The following POU2F1 variants were observed in gnomAD, a reference collection of about 807,000 sequenced individuals.
POU2F1 encodes the protein POU domain, class 2, transcription factor 1.
A neutral mutation model predicts 84.9 loss-of-function variants in POU2F1; 16 were observed. The observed-to-expected ratio is 0.19, with a 90% CI of 0.13 to 0.29. POU2F1 has a LOEUF of 0.29. POU2F1 is among the 10% of genes least tolerant of loss of function. POU2F1 has a pLI of 1.00. For missense variants in POU2F1, 738 were observed against 942.6 expected (o/e 0.78, Z 2.84); for synonymous variants, 368 against 368.3 (o/e 1.00, Z 0.01).
intron 1 of POU2F1, among the ~76,000 whole-genome samples, chr1:167,272,300 C>G: frequency 8.2e-6 from 1 of 122,588 alleles, no homozygotes; most frequent in Non-Finnish European, 1.7e-5. Context: ...TAAATATTAC[C>G]TTTTTTTTTT....
chr1:167,366,811 C>A (rs780433343), intron 3 of POU2F1, among the ~76,000 whole-genome samples: 1 of 151,970 alleles, frequency 6.6e-6, no homozygotes. Context: ...ATATTCAAGC[C>A]TCCAGTAATT....
At chr1:167,234,007 G>A (rs1649268103) in intron 1 of POU2F1, among the ~76,000 whole-genome samples, 2 of 152,208 alleles carry the variant, frequency 1.3e-5, no homozygotes, top group Admixed American at 6.5e-5. Context: ...TTAGGAAACC[G>A]AGGCTTAAAG....
At chr1:167,388,245 T>G (rs956107275) in intron 8 of POU2F1, among the ~76,000 whole-genome samples, 9 of 152,154 alleles carry the variant, frequency 5.9e-5, no homozygotes, top group African/African-American at 2.2e-4. Context: ...TGACATTGAG[T>G]AGTAAGAGAA....
At chr1:167,234,148 G>A (rs1357627852) in intron 1 of POU2F1, among the ~76,000 whole-genome samples, 7 of 152,180 alleles carry the variant, frequency 4.6e-5, no homozygotes, top group Non-Finnish European at 1.0e-4. Context: ...ATGGAATTGG[G>A]GGATTGCAGA....
intron 2 of POU2F1, among the ~76,000 whole-genome samples, chr1:167,360,201 A>G (rs1019618294): frequency 3.3e-5 from 5 of 152,032 alleles, no homozygotes; most frequent in Non-Finnish European, 7.4e-5. Context: ...TCTTTAGTTT[A>G]ATTAAATCCA....
intron 1 of POU2F1, among the ~76,000 whole-genome samples, chr1:167,309,410 A>G (rs1425838689): frequency 2.6e-5 from 4 of 152,124 alleles, no homozygotes; most frequent in Non-Finnish European, 1.5e-5. Flanking sequence ...CCTTTCCCCA[A>G]CAGTGGTACA....
Position 167,220,951 on chromosome 1 carries a change from A to G in POU2F1, c.54A>G (p.Ala18=), listed in dbSNP as rs1648064082. ...ATGAGAGTTCAGCCGCGGCGGCAGCAGCAGCAGGTAATCATTACAGCATTT... is the reference window on the plus strand; with the variant it reads ...ATGAGAGTTCAGCCGCGGCGGCAGCGGCAGCAGGTAATCATTACAGCATTT... ...SQDESSAAAA[A]AADSRMNNPS... Residue 18 remains alanine (A), a synonymous_variant, in exon 1 of 16, where the codon GCA becomes GCG. Coordinates refer to ENST00000367866, the MANE Select transcript of POU2F1 (RefSeq NM_002697.4). The G allele has an allele frequency of 2.0e-6, 3 of 1,535,284 alleles. No individual in the cohort carries two copies. The highest frequency in any genetic ancestry group is 2.6e-6 in the Non-Finnish European group (3 of 1,146,700).
intron 3 of POU2F1, among the ~76,000 whole-genome samples, chr1:167,367,591 C>T (rs1013272615): frequency 6.6e-6 from 1 of 152,090 alleles, no homozygotes; most frequent in East Asian, 1.9e-4. Flanking sequence ...TTATTTTTAA[C>T]TTCCTATTTT....
intron 2 of POU2F1, among the ~76,000 whole-genome samples, chr1:167,356,066 A>G (rs1467524208): frequency 6.6e-6 from 1 of 151,842 alleles, no homozygotes; most frequent in Non-Finnish European, 1.5e-5. Context: ...CTCCCACCTC[A>G]GCCTCCTAAG....
intron 12 of POU2F1, among the ~76,000 whole-genome samples, chr1:167,400,033 G>A (rs1320405927): frequency 7.3e-6 from 1 of 137,130 alleles, no homozygotes; most frequent in African/African-American, 2.8e-5. Flanking sequence ...GCCCAGGCTG[G>A]AGTGCAATGG....
chr1:167,241,806 C>T (rs1226176036), intron 1 of POU2F1, among the ~76,000 whole-genome samples: 4 of 151,988 alleles, frequency 2.6e-5, no homozygotes, highest in Non-Finnish European at 5.9e-5. Flanking sequence ...TGAGGTACAA[C>T]GAAGTTAGGT....
At chr1:167,342,517 G>A (rs1217468500) in intron 2 of POU2F1, among the ~76,000 whole-genome samples, 2 of 152,130 alleles carry the variant, frequency 1.3e-5, no homozygotes, top group Admixed American at 6.5e-5. Flanking sequence ...AAGATGAAGA[G>A]AAAGAATCCT....
chr1:167,333,863 G>A (rs1372783112), intron 2 of POU2F1, among the ~76,000 whole-genome samples: 1 of 152,102 alleles, frequency 6.6e-6, no homozygotes, highest in African/African-American at 2.4e-5. Flanking sequence ...TGCCAGTGCC[G>A]GTGCTTCAGC....
intron 1 of POU2F1, among the ~76,000 whole-genome samples, chr1:167,321,367 A>T (rs556841638): frequency 6.6e-6 from 1 of 152,194 alleles, no homozygotes; most frequent in Admixed American, 6.5e-5. Flanking sequence ...AGCTGAGGGG[A>T]TAGTAAAGAA....
At chr1:167,276,185 T>C (rs766381503) in intron 1 of POU2F1, among the ~76,000 whole-genome samples, 7 of 152,362 alleles carry the variant, frequency 4.6e-5, no homozygotes, top group South Asian at 4.1e-4. Flanking sequence ...CATCCCACTC[T>C]GTTCTGCCGA....
At position 167,406,315 on chromosome 1, in the gene POU2F1, T is replaced by C. The variant is rs551000133; in HGVS notation, c.1555+4759T>C. 2.6e-5 allele frequency among the ~76,000 whole-genome samples: 4 copies of C among 152,318 alleles called. No individual in the cohort carries two copies. In the East Asian group the frequency reaches 7.7e-4, roughly 29 times the overall value. ...TCTCAGTGGATACAGAAAAGATATT[T>C]GTAAAAATCCAAAACCCATTCATGA... On this transcript the variant is annotated intron_variant, in intron 13 of 15. Coordinates refer to ENST00000367866, the MANE Select transcript of POU2F1 (RefSeq NM_002697.4).
intron 1 of POU2F1, among the ~76,000 whole-genome samples, chr1:167,245,563 G>A (rs772331888): frequency 2.9e-4 from 44 of 151,864 alleles, no homozygotes; most frequent in Non-Finnish European, 4.7e-4. Context: ...ATAGGCATGC[G>A]CCACCACACC....
chr1:167,385,040 T>C (rs574855598), intron 8 of POU2F1, among the ~76,000 whole-genome samples: 1 of 152,240 alleles, frequency 6.6e-6, no homozygotes, highest in South Asian at 2.1e-4. Flanking sequence ...TCATTTACAT[T>C]TCTATACACT....
At chr1:167,221,127 G>T (rs1295312007) in intron 1 of POU2F1, among the ~76,000 whole-genome samples, 169 bp downstream of exon 1, 7 of 151,602 alleles carry the variant, frequency 4.6e-5, no homozygotes, top group Non-Finnish European at 8.9e-5. Flanking sequence ...AGCGGAGGGG[G>T]AAAGAGGCTC....
Sources: allele counts gnomAD v4.1 joint callset (sites outside exome capture counted in the v4.1 genomes callset), GRCh38; gene constraint gnomAD v4.1.1; transcripts MANE v1.5; gene names NCBI Gene and HGNC (gene_info 2026-07-23, HGNC 2026-07-21).